NLGN3: variants seen among roughly 807,000 people sequenced by gnomAD.
The protein encoded by NLGN3 is neuroligin-3.
In NLGN3, 11 loss-of-function variants were observed where a neutral mutation model predicts 42.9. The ratio of observed to expected loss-of-function variants is 0.26; its 90% CI spans 0.16 to 0.42. The LOEUF is 0.42. NLGN3 is among the 10% of genes least tolerant of loss of function. NLGN3 has a pLI of 1.00. For synonymous variants in NLGN3, 279 were observed against 312.7 expected (o/e 0.89, Z 1.14); for missense variants, 374 against 733.8 (o/e 0.51, Z 5.67).
In NLGN3 at chrX:71,155,366, A is replaced by G; in HGVS notation, c.727+3A>G. On this transcript the variant is annotated splice_donor_region_variant and intron_variant, in intron 5 of 7. Transcript: ENST00000358741. ...CAACTATCGGGTTGGAGTGCTAGGT[A>G]TGGTTCCCTGCCTGGTGCCTGGAAG... is the stretch of plus-strand genomic sequence containing the variant. 8.3e-7 allele frequency: 1 copy of G among 1,211,913 alleles called. No individual in the cohort carries two copies. Among genetic ancestry groups the G allele is most frequent in the Non-Finnish European group, 1.1e-6 (1 of 895,304 alleles).
At chrX:71,157,290 ATTTAT>A (rs2092412906) in intron 5 of NLGN3, among the ~76,000 whole-genome samples, 1 of 88,423 alleles carries the variant, frequency 1.1e-5, no homozygotes, top group African/African-American at 5.4e-5. Flanking sequence ...TAATTTGCTT[ATTTAT>A]TTATTTATTT....
At chrX:71,163,254 T>A (rs2092436146) in intron 5 of NLGN3, among the ~76,000 whole-genome samples, 1 of 111,781 alleles carries the variant, frequency 8.9e-6, no homozygotes, top group Non-Finnish European at 1.9e-5. Flanking sequence ...GGTAACGCAC[T>A]GCGCTACTTC....
chrX:71,170,962 C>G lies in NLGN3; in HGVS notation c.*865C>G, dbSNP rs934092645. 1.5e-5 allele frequency: 11 copies of G among 754,710 alleles called. No homozygotes were observed. Among genetic ancestry groups the G allele is most frequent in the Non-Finnish European group, 1.7e-5 (11 of 639,411 alleles). The allele number at this position is 754,710 out of a possible 1,213,427, so 62.2% of individuals were successfully genotyped here. ...TCACTATTGGGCCCCCAGGTCTGAT[C>G]TGGGTTTTGCCTCTGCCCTTGGGGA... On this transcript the variant is annotated 3_prime_UTR_variant, in exon 8 of 8. Coordinates refer to ENST00000358741, the MANE Select transcript of NLGN3 (RefSeq NM_181303.2).
rs745615928 is a variant in NLGN3 at position 71,155,405 on chromosome X, G to A, written c.727+42G>A. Reference sequence around the variant, plus strand: ...GGTGCCTGGAAGGAAGACTGGCTTCGCAAGGGGGGAGGAAAGAATGCTGGA... The same window carrying A: ...GGTGCCTGGAAGGAAGACTGGCTTCACAAGGGGGGAGGAAAGAATGCTGGA... On this transcript the variant is annotated intron_variant, in intron 5 of 7. Transcript: ENST00000358741. 7.5e-6 allele frequency: 9 copies of A among 1,193,413 alleles called. No individual in the cohort carries two copies. In the Admixed American group the frequency reaches 8.7e-5, roughly 12 times the overall value.
At chrX:71,162,803 C>T (rs1404981191) in intron 5 of NLGN3, among the ~76,000 whole-genome samples, 1 of 112,081 alleles carries the variant, frequency 8.9e-6, no homozygotes, top group Non-Finnish European at 1.9e-5. Flanking sequence ...CGCCAGAGAA[C>T]TCCCCATGAG....
chrX:71,150,794 C>A (rs887421860), intron 3 of NLGN3, among the ~76,000 whole-genome samples: 1 of 110,976 alleles, frequency 9.0e-6, no homozygotes, highest in Non-Finnish European at 1.9e-5. Context: ...GAAGAATGAT[C>A]GCCCAGTAAG....
intron 7 of NLGN3, 146 bp from the exon 8 acceptor site, chrX:71,169,108 T>C: frequency 1.6e-6 from 1 of 613,583 alleles, no homozygotes; most frequent in Non-Finnish European, 2.6e-6. Flanking sequence ...AAGAAGCAGG[T>C]GTGGGCAGAG....
intron 2 of NLGN3, among the ~76,000 whole-genome samples, 168 bp downstream of exon 2, chrX:71,148,374 C>T (rs904409982): frequency 9.4e-6 from 1 of 106,686 alleles, no homozygotes; most frequent in Admixed American, 9.9e-5. Flanking sequence ...TCTTCCCTCT[C>T]CCAGCATTGT....
At chrX:71,164,495 T>C (rs1470105248) in intron 6 of NLGN3, among the ~76,000 whole-genome samples, 167 bp downstream of exon 6, 1 of 112,751 alleles carries the variant, frequency 8.9e-6, no homozygotes, top group Non-Finnish European at 1.9e-5. Context: ...GAAGTACTTC[T>C]CCCAAAGCTG....
At chrX:71,146,744 T>C (rs2092372005) in intron 1 of NLGN3, among the ~76,000 whole-genome samples, 1 of 111,431 alleles carries the variant, frequency 9.0e-6, no homozygotes, top group Non-Finnish European at 1.9e-5. Flanking sequence ...ATTCCCTCTT[T>C]GAGTCTTTGT....
chrX:71,145,783 T>C (rs1039462885), intron 1 of NLGN3, among the ~76,000 whole-genome samples: 7 of 30,745 alleles, frequency 2.3e-4, no homozygotes, highest in African/African-American at 9.6e-4. Context: ...ATTTGTGGGT[T>C]GGGGGCAGCA....
At chrX:71,152,718 T>C (rs982332753) in intron 3 of NLGN3, among the ~76,000 whole-genome samples, 3 of 111,161 alleles carry the variant, frequency 2.7e-5, no homozygotes, top group Admixed American at 9.5e-5. Flanking sequence ...TCTATTTTTT[T>C]TCTCTCTCTC....
chrX:71,174,055 T>C (rs1438404663), downstream of NLGN3, among the ~76,000 whole-genome samples: 2 of 111,922 alleles, frequency 1.8e-5, no homozygotes, highest in African/African-American at 6.5e-5. Context: ...TTGGCAATTA[T>C]TGATTGAGCA....
chrX:71,155,111 G>A, intron 4 of NLGN3, 103 bp from the exon 5 acceptor site: 1 of 963,108 alleles, frequency 1.0e-6, no homozygotes, highest in Non-Finnish European at 1.5e-6. Context: ...TGGTGTCCTG[G>A]CACCTGGGAT....
intron 5 of NLGN3, among the ~76,000 whole-genome samples, chrX:71,161,706 G>A (rs189213690): frequency 3.6e-3 from 397 of 111,473 alleles, no homozygotes; most frequent in Admixed American, 4.9e-3. Context: ...CCTGGGAGGC[G>A]GAGGTTGCAG....
downstream of NLGN3, among the ~76,000 whole-genome samples, chrX:71,174,863 G>A (rs182981678): frequency 1.2e-4 from 13 of 112,446 alleles, no homozygotes; most frequent in African/African-American, 3.9e-4. Context: ...AGATGTGAGA[G>A]ATGTGGCTTA....
chrX:71,153,461 C>T lies in NLGN3; in HGVS notation c.518-16C>T, dbSNP rs1012961756. Reference sequence around the variant, plus strand: ...TCTGTTCTGTGCTGTTGTGTCTCCCCGTGTCTGGTCCCCAGGATCCGGCGC... The same window carrying T: ...TCTGTTCTGTGCTGTTGTGTCTCCCTGTGTCTGGTCCCCAGGATCCGGCGC... On this transcript the variant is annotated splice_polypyrimidine_tract_variant and intron_variant, in intron 3 of 7. Coordinates refer to ENST00000358741, the MANE Select transcript of NLGN3 (RefSeq NM_181303.2). The T allele has an allele frequency of 2.1e-5, 25 of 1,200,700 alleles. No individual in the cohort carries two copies. The South Asian group carries it at 2.3e-4, about 11-fold the overall frequency.
intron 6 of NLGN3, among the ~76,000 whole-genome samples, chrX:71,164,578 T>C (rs2092440820): frequency 8.9e-6 from 1 of 112,255 alleles, no homozygotes; most frequent in Non-Finnish European, 1.9e-5. Context: ...GAGTCTTATT[T>C]TGGGGAGTGG....
chrX:71,171,367 G>A (rs1034943361), downstream of NLGN3, among the ~76,000 whole-genome samples: 2 of 106,851 alleles, frequency 1.9e-5, no homozygotes, highest in East Asian at 6.0e-4. Flanking sequence ...GTTGGGGGTT[G>A]GGGGCCCCTG....
Sources: allele counts gnomAD v4.1 joint callset (sites outside exome capture counted in the v4.1 genomes callset), GRCh38; gene constraint gnomAD v4.1.1; transcripts MANE v1.5; gene names NCBI Gene and HGNC (gene_info 2026-07-23, HGNC 2026-07-21).